Variants in ZBTB44 observed in about 807,000 individuals in gnomAD.
The protein encoded by ZBTB44 is zinc finger and BTB domain-containing protein 44.
Under a neutral mutation model 54.0 loss-of-function variants are expected in ZBTB44, and 15 were observed. That is an observed-to-expected ratio of 0.28 (90% CI 0.19 to 0.43). ZBTB44 has a LOEUF of 0.43. Ranked by LOEUF, ZBTB44 falls within the 20% of genes least tolerant of loss-of-function variation. ZBTB44 has a pLI of 1.00. For missense variants in ZBTB44, 487 were observed against 707.1 expected (o/e 0.69, Z 3.53); for synonymous variants, 230 against 250.1 (o/e 0.92, Z 0.76).
chr11:130,269,973 A>T (rs1451069535), intron 1 of ZBTB44, among the ~76,000 whole-genome samples: 1 of 152,222 alleles, frequency 6.6e-6, no homozygotes, highest in Admixed American at 6.5e-5. Context: ...TATTTTTCAC[A>T]GCATTTTAAA....
chr11:130,236,886 C>T lies in ZBTB44; in HGVS notation c.1475G>A (p.Cys492Tyr). The change falls in exon 5 of 8, where the codon TGT (cysteine) becomes TAT (tyrosine). Residue 492 changes from cysteine to tyrosine, a missense_variant. Cys to Tyr is a radical substitution (Grantham distance 194). This residue lies in a region of ZBTB44 where 120 missense variants were observed against 240.3 expected (regional missense o/e 0.50). Transcript: ENST00000357899. Reference sequence around the variant, plus strand: ...TCCAGAGTTGGTGAACATGGCGCCACATGTTTTGCACTCGTAAATCCGAGG... The same window carrying T: ...TCCAGAGTTGGTGAACATGGCGCCATATGTTTTGCACTCGTAAATCCGAGG... ...RKPRIYECKT[C>Y]GAMFTNSGNL... is the part of the protein sequence containing the mutation. 4.5e-6 allele frequency: 7 copies of T among 1,553,576 alleles called. No homozygotes were observed. The highest frequency in any genetic ancestry group is 6.1e-6 in the Non-Finnish European group (7 of 1,151,492).
intron 1 of ZBTB44, among the ~76,000 whole-genome samples, chr11:130,297,768 A>G (rs1216264855): frequency 1.3e-5 from 2 of 152,204 alleles, no homozygotes; most frequent in Non-Finnish European, 2.9e-5. Flanking sequence ...CTCCACAACT[A>G]TGAGACAAAA....
intron 1 of ZBTB44, chr11:130,285,170 T>A (rs1446882432): frequency 5.9e-6 from 1 of 169,306 alleles, no homozygotes; most frequent in Non-Finnish European, 1.4e-5. Flanking sequence ...CAAGAGTTCC[T>A]CACTAGTCTC....
At chr11:130,251,462 C>T (rs1005195173) in intron 2 of ZBTB44, among the ~76,000 whole-genome samples, 1 of 152,078 alleles carries the variant, frequency 6.6e-6, no homozygotes, top group African/African-American at 2.4e-5. Flanking sequence ...TAAGATACTC[C>T]TCGAGAATAG....
At chr11:130,297,165 T>C (rs1192014806) in intron 1 of ZBTB44, among the ~76,000 whole-genome samples, 2 of 152,228 alleles carry the variant, frequency 1.3e-5, no homozygotes, top group Admixed American at 6.5e-5. Context: ...AACAAGAGCA[T>C]AAATTGACTT....
chr11:130,260,162 G>C (rs1249758125), intron 2 of ZBTB44, among the ~76,000 whole-genome samples: 1 of 151,988 alleles, frequency 6.6e-6, no homozygotes, highest in South Asian at 2.1e-4. Flanking sequence ...CACTCCTTTT[G>C]TCTGATCTCC....
chr11:130,307,379 C>T (rs569707770), intron 1 of ZBTB44, among the ~76,000 whole-genome samples: 5 of 150,026 alleles, frequency 3.3e-5, no homozygotes, highest in East Asian at 2.0e-4. Flanking sequence ...GAGCTGAGAT[C>T]GTGCCACTGC....
intron 1 of ZBTB44, among the ~76,000 whole-genome samples, chr11:130,262,274 G>A (rs543261440): frequency 2.1e-4 from 32 of 152,184 alleles, no homozygotes; most frequent in African/African-American, 7.5e-4. Flanking sequence ...CGAGTAGCTG[G>A]GATTACAGGC....
chr11:130,270,744 A>C (rs1366214543), intron 1 of ZBTB44, among the ~76,000 whole-genome samples: 1 of 152,240 alleles, frequency 6.6e-6, no homozygotes, highest in African/African-American at 2.4e-5. Flanking sequence ...AGATGGTTTT[A>C]TCTCTAACTT....
At chr11:130,280,356 A>T (rs1041781144) in intron 1 of ZBTB44, among the ~76,000 whole-genome samples, 5 of 152,222 alleles carry the variant, frequency 3.3e-5, no homozygotes, top group African/African-American at 7.2e-5. Context: ...AATACATACC[A>T]TTTAAACACT....
chr11:130,294,412 AAAAAAAT>A (rs927280741), intron 1 of ZBTB44, among the ~76,000 whole-genome samples: 2 of 147,178 alleles, frequency 1.4e-5, no homozygotes, highest in Admixed American at 1.4e-4. Context: ...ACTCTGTCTT[AAAAAAAT>A]AAAAATAAAA....
chr11:130,307,540 G>A (rs1026894831), intron 1 of ZBTB44, among the ~76,000 whole-genome samples: 5 of 151,908 alleles, frequency 3.3e-5, no homozygotes, highest in Non-Finnish European at 7.4e-5. Context: ...TCTAAATGCA[G>A]TTTCTGAAGC....
chr11:130,281,274 C>A (rs1232545542), intron 1 of ZBTB44, among the ~76,000 whole-genome samples: 1 of 152,110 alleles, frequency 6.6e-6, no homozygotes, highest in East Asian at 1.9e-4. Flanking sequence ...AATCCCAGCA[C>A]TTTGGGAGGC....
rs1336244726 is a variant in ZBTB44, at chr11:130,226,886, A to G, written c.*4878T>C. The G allele has an allele frequency of 1.3e-5, 2 of 152,232 alleles. No individual in the cohort carries two copies. Among genetic ancestry groups the G allele is most frequent in the African/African-American group, 4.8e-5 (2 of 41,462 alleles). 9.4% of individuals were successfully genotyped at this position (152,232 alleles called of 1,614,324 possible). On this transcript the variant is annotated 3_prime_UTR_variant, in exon 8 of 8. Transcript: ENST00000357899. Reference sequence around the variant, plus strand: ...TAAACCTTTTTTAAAAAGATTAAACAATCAGGCTAGCAAAAAGGTACTCAA... The same window carrying G: ...TAAACCTTTTTTAAAAAGATTAAACGATCAGGCTAGCAAAAAGGTACTCAA...
chr11:130,306,937 C>T (rs1444399859), intron 1 of ZBTB44, among the ~76,000 whole-genome samples: 1 of 151,552 alleles, frequency 6.6e-6, no homozygotes, highest in South Asian at 2.1e-4. Flanking sequence ...ACATTGGGTA[C>T]AGCGTACACT....
intron 1 of ZBTB44, among the ~76,000 whole-genome samples, chr11:130,295,031 G>A (rs772842655): frequency 6.6e-6 from 1 of 152,048 alleles, no homozygotes; most frequent in Admixed American, 6.6e-5. Flanking sequence ...GAACTGAGTA[G>A]CTGTACTGTG....
intron 2 of ZBTB44, among the ~76,000 whole-genome samples, chr11:130,253,476 CAAAGA>C (rs1482532422): frequency 1.3e-5 from 2 of 152,048 alleles, no homozygotes; most frequent in African/African-American, 4.8e-5. Flanking sequence ...ACAATTGCTT[CAAAGA>C]AAAGAAAATA....
At chr11:130,256,997 G>C (rs7102629) in intron 2 of ZBTB44, among the ~76,000 whole-genome samples, 6,198 of 152,066 alleles carry the variant, frequency 0.041, 313 homozygotes, top group African/African-American at 0.12. Flanking sequence ...TCTGTTTGCA[G>C]ATGACATAAT....
At chr11:130,260,010 AAGAT>A (rs894375987) in intron 2 of ZBTB44, among the ~76,000 whole-genome samples, 2 of 151,834 alleles carry the variant, frequency 1.3e-5, no homozygotes, top group African/African-American at 4.9e-5. Context: ...TCAATCTAAA[AAGAT>A]AAATAAATAA....
Sources: allele counts gnomAD v4.1 joint callset (sites outside exome capture counted in the v4.1 genomes callset), GRCh38; gene constraint gnomAD v4.1.1; regional missense constraint gnomAD v4.1.1; transcripts MANE v1.5; gene names NCBI Gene and HGNC (gene_info 2026-07-23, HGNC 2026-07-21).